The following PDE1C variants were observed in gnomAD, a reference collection of about 807,000 sequenced individuals.
The protein encoded by PDE1C is dual specificity calcium/calmodulin-dependent 3',5'-cyclic nucleotide phosphodiesterase 1C.
PDE1C carries 62 observed loss-of-function variants against 93.1 expected under a neutral mutation model. The observed-to-expected ratio is 0.67, with a 90% CI of 0.54 to 0.82. PDE1C has a LOEUF of 0.82. Among genes scored for constraint, PDE1C ranks in the 40% least tolerant of loss-of-function variants. The pLI, the probability that PDE1C is intolerant of heterozygous loss-of-function variation, is 0.00. For synonymous variants in PDE1C, 325 were observed against 310.1 expected, an observed-to-expected ratio of 1.05 and a Z score of -0.50; for missense variants, 742 against 884.6, an observed-to-expected ratio of 0.84 and a Z score of 2.04.
intron 1 of PDE1C, among the ~76,000 whole-genome samples, chr7:32,325,901 G>C (rs1467925324): frequency 6.6e-6 from 1 of 152,192 alleles, no homozygotes; most frequent in Non-Finnish European, 1.5e-5. Flanking sequence ...GCTAAGAATA[G>C]ACCATTTAAG....
chr7:32,201,975 T>C (rs567819536), intron 2 of PDE1C, among the ~76,000 whole-genome samples: 4 of 151,932 alleles, frequency 2.6e-5, no homozygotes, highest in Non-Finnish European at 5.9e-5. Flanking sequence ...CAGAAGCAAA[T>C]AGAGGAAAGC....
chr7:31,652,001 A>C, the PDE1C span: 2 of 1,606,018 alleles, frequency 1.2e-6, no homozygotes, highest in Admixed American at 1.7e-5. Context: ...GCAGAGTTGG[A>C]ATTTCAGTTA....
chr7:32,118,725 A>G (rs530335235), intron 3 of PDE1C, among the ~76,000 whole-genome samples: 332 of 152,318 alleles, frequency 2.2e-3, no homozygotes, highest in Non-Finnish European at 4.2e-3. Flanking sequence ...TCCCAAGAGA[A>G]CATTAATCCA....
At chr7:31,823,913 A>G (rs1789322199) in intron 13 of PDE1C, among the ~76,000 whole-genome samples, 1 of 152,130 alleles carries the variant, frequency 6.6e-6, no homozygotes, top group Non-Finnish European at 1.5e-5. Flanking sequence ...TGGTAGGAAT[A>G]CAAATTCATG....
At chr7:31,876,467 T>C (rs939727330) in intron 5 of PDE1C, among the ~76,000 whole-genome samples, 4 of 152,254 alleles carry the variant, frequency 2.6e-5, no homozygotes, top group East Asian at 1.9e-4. Flanking sequence ...AGGCTTCAAT[T>C]TGGATAGAAA....
At chr7:31,624,634 A>C in the PDE1C span, among the ~76,000 whole-genome samples, 1 of 149,694 alleles carries the variant, frequency 6.7e-6, no homozygotes, top group South Asian at 2.2e-4. Context: ...AGATGGATTA[A>C]AGACTTAAAC....
intron 6 of PDE1C, among the ~76,000 whole-genome samples, chr7:31,869,265 A>G (rs1400428641): frequency 1.3e-5 from 2 of 152,140 alleles, no homozygotes; most frequent in Non-Finnish European, 2.9e-5. Flanking sequence ...AAGTCCTCAC[A>G]TATCAATAGC....
rs1037820665 is a variant in PDE1C at position 32,313,685 on chromosome 7, T to C, written c.311-104146A>G. On this transcript the variant is annotated intron_variant, in intron 1 of 1. Coordinates refer to the PDE1C transcript ENST00000672256. Reference sequence around the variant, plus strand: ...ACCAAACACCGCATGTTCTCACTCATAGGTGGGAATTGAACCATGAGAACA... The same window carrying C: ...ACCAAACACCGCATGTTCTCACTCACAGGTGGGAATTGAACCATGAGAACA... Among the ~76,000 whole-genome samples, 53 of 145,250 alleles carry C rather than the reference T, an allele frequency of 3.6e-4. 1 individual carries two copies. Among genetic ancestry groups the C allele is most frequent in the African/African-American group, 1.2e-3 (49 of 39,260 alleles).
At chr7:31,775,776 A>G in intron 16 of PDE1C, 44 bp from the exon 17 acceptor site, 1 of 1,507,274 alleles carries the variant, frequency 6.6e-7, no homozygotes, top group Non-Finnish European at 9.2e-7. Flanking sequence ...GGATTGTGGA[A>G]AAACCTGTTG....
intron 16 of PDE1C, among the ~76,000 whole-genome samples, chr7:31,777,570 A>G (rs1276872749): frequency 2.0e-5 from 3 of 152,018 alleles, no homozygotes; most frequent in African/African-American, 7.2e-5. Flanking sequence ...CTCGTGATCC[A>G]CACACTTCGG....
intron 1 of PDE1C, among the ~76,000 whole-genome samples, chr7:32,285,472 G>A (rs2128894463): frequency 6.6e-6 from 1 of 152,090 alleles, no homozygotes; most frequent in East Asian, 1.9e-4. Context: ...TTAGTTAATG[G>A]ATAAACAAAT....
chr7:31,932,180 AC>A lies in PDE1C; in HGVS notation c.129-51321del, dbSNP rs1804402325. 2.0e-5 allele frequency among the ~76,000 whole-genome samples: 3 copies of A among 152,272 alleles called. No homozygotes were observed. The South Asian group carries it at 6.2e-4, about 32-fold the overall frequency. ...GGGCAAAGACTTCATGACTAAAACA[AC>A]GAAAGCAATGGCAACAGAAGCCAAA... is the stretch of plus-strand genomic sequence containing the variant. On this transcript the variant is annotated intron_variant, in intron 2 of 17. Coordinates refer to ENST00000396191, the MANE Select transcript of PDE1C (RefSeq NM_001191057.4).
At chr7:32,167,351 C>T (rs1043385328) in intron 3 of PDE1C, among the ~76,000 whole-genome samples, 5 of 152,156 alleles carry the variant, frequency 3.3e-5, no homozygotes, top group African/African-American at 1.2e-4. Context: ...CTAACCCCTT[C>T]CTTTTGAGAA....
the PDE1C span, among the ~76,000 whole-genome samples, chr7:31,654,344 G>C: frequency 6.6e-6 from 1 of 152,192 alleles, no homozygotes; most frequent in Non-Finnish European, 1.5e-5. Context: ...GTGGGGCATG[G>C]AGATGGAGGG....
At chr7:32,344,448 C>T (rs139563452) in intron 1 of PDE1C, among the ~76,000 whole-genome samples, 2,126 of 152,294 alleles carry the variant, frequency 0.014, 19 homozygotes, top group Middle Eastern at 0.027. Context: ...GATTTCCTTT[C>T]TGACTTCATC....
At position 31,809,029 on chromosome 7, in the gene PDE1C, A is replaced by C; in HGVS notation, c.1891+2T>G. The C allele has an allele frequency of 1.3e-6, 2 of 1,529,694 alleles. No homozygotes were observed. Among genetic ancestry groups the C allele is most frequent in the Non-Finnish European group, 1.8e-6 (2 of 1,105,050 alleles). 94.8% of individuals were successfully genotyped at this position (1,529,694 alleles called of 1,614,324 possible). A position where few individuals can be genotyped will look rare whatever the true frequency, so the allele number is the denominator to read the frequency against. ...AAAATGTAATGAGAATAATACTCTT[A>C]CCATCTGTTTTCTTTGAATCATTTC... On this transcript the variant is annotated splice_donor_variant, in intron 16 of 17. Transcript: ENST00000396191. LOFTEE classifies it high-confidence loss of function.
At position 31,846,258 on chromosome 7, in the gene PDE1C, G is replaced by A. The variant is rs62455981; in HGVS notation, c.980+1710C>T. On this transcript the variant is annotated intron_variant, in intron 9 of 17. Coordinates refer to ENST00000396191, the MANE Select transcript of PDE1C (RefSeq NM_001191057.4). ...CTTTTTTTTTTTTTTTTGAGACGGA[G>A]TCTCGCTCTGTCACCCAGGCTCTGT... Among the ~76,000 whole-genome samples, 1,244 of 138,942 alleles carry A rather than the reference G, an allele frequency of 9.0e-3. 23 individuals carry two copies. Among genetic ancestry groups the A allele is most frequent in the East Asian group, 0.072 (345 of 4,822 alleles). The allele number at this position is 138,942 out of a possible 152,430, so 91.2% of individuals were successfully genotyped here.
the PDE1C span, among the ~76,000 whole-genome samples, chr7:31,681,016 C>T: frequency 6.6e-6 from 1 of 152,176 alleles, no homozygotes; most frequent in South Asian, 2.1e-4. Flanking sequence ...CCAGCCTAGC[C>T]ACTTAACGTG....
At chr7:32,051,706 T>C (rs759694092) in intron 1 of PDE1C, 126 bp from the exon 2 acceptor site, 24 of 754,476 alleles carry the variant, frequency 3.2e-5, no homozygotes, top group Non-Finnish European at 4.9e-5. Context: ...CTGTGAAGCT[T>C]ATGGGTTTCA....
Sources: gnomAD v4.1 joint callset for allele counts (sites outside exome capture counted in the v4.1 genomes callset) on GRCh38, gnomAD v4.1.1 for gene constraint, MANE v1.5 for transcripts, NCBI Gene and HGNC (gene_info 2026-07-23, HGNC 2026-07-21) for gene names.